CNTLN: variants seen among roughly 807,000 people sequenced by gnomAD.
The protein encoded by CNTLN is centlein, also known as centlein, centrosomal protein.
CNTLN carries 212 observed loss-of-function variants against 180.0 expected under a neutral mutation model. The ratio of observed to expected loss-of-function variants is 1.18; its 90% CI spans 1.05 to 1.32. The LOEUF is 1.32. CNTLN is among the 40% of genes most tolerant of loss of function. The probability of loss-of-function intolerance (pLI) is 0.00; values close to 1 mark genes in which losing one functional copy is unlikely to be tolerated. For missense variants in CNTLN, 2,095 were observed against 1,610.9 expected, an observed-to-expected ratio of 1.30 and a Z score of -5.14; for synonymous variants, 722 against 563.1, an observed-to-expected ratio of 1.28 and a Z score of -3.99.
At chr9:17,193,924 A>T (rs1038636649) in intron 2 of CNTLN, among the ~76,000 whole-genome samples, 1 of 152,152 alleles carries the variant, frequency 6.6e-6, no homozygotes, top group African/African-American at 2.4e-5. Context: ...CCAATTCTTG[A>T]CTTCTGTGCA....
chr9:17,499,002 T>A (rs915373550), intron 25 of CNTLN, among the ~76,000 whole-genome samples: 1 of 152,200 alleles, frequency 6.6e-6, no homozygotes, highest in Admixed American at 6.6e-5. Context: ...TATAAACTCC[T>A]TGTATGAAAT....
At chr9:17,179,143 C>A (rs987274878) in intron 2 of CNTLN, among the ~76,000 whole-genome samples, 2 of 147,282 alleles carry the variant, frequency 1.4e-5, no homozygotes, top group Admixed American at 6.8e-5. Context: ...ACTTGGGAGG[C>A]TGAGGCAGGA....
intron 12 of CNTLN, among the ~76,000 whole-genome samples, chr9:17,353,665 T>C (rs1822558880): frequency 6.6e-6 from 1 of 151,556 alleles, no homozygotes; most frequent in Admixed American, 6.6e-5. Context: ...AGTGGTGTGA[T>C]CTTGGCTCAC....
At chr9:17,441,839 G>T (rs1267001588) in intron 18 of CNTLN, among the ~76,000 whole-genome samples, 1 of 152,090 alleles carries the variant, frequency 6.6e-6, no homozygotes, top group Non-Finnish European at 1.5e-5. Flanking sequence ...GGCTTATAGT[G>T]AAGGGATGGA....
chr9:17,283,948 C>T (rs1828818256), intron 6 of CNTLN, among the ~76,000 whole-genome samples: 1 of 152,156 alleles, frequency 6.6e-6, no homozygotes, highest in Non-Finnish European at 1.5e-5. Flanking sequence ...ATGAAGCTGA[C>T]TTGATCGTGG....
At chr9:17,240,041 T>A (rs1825391254) in intron 5 of CNTLN, among the ~76,000 whole-genome samples, 1 of 152,190 alleles carries the variant, frequency 6.6e-6, no homozygotes, top group South Asian at 2.1e-4. Context: ...AATCAGTAGA[T>A]CAGTTTGGGG....
At chr9:17,291,380 ATCTG>A (rs1315659330) in intron 6 of CNTLN, among the ~76,000 whole-genome samples, 1 of 152,132 alleles carries the variant, frequency 6.6e-6, no homozygotes, top group African/African-American at 2.4e-5. Flanking sequence ...TGTCTTGGTG[ATCTG>A]TCTAATATTG....
At chr9:17,279,421 C>T (rs903017474) in intron 6 of CNTLN, among the ~76,000 whole-genome samples, 9 of 152,100 alleles carry the variant, frequency 5.9e-5, no homozygotes, top group African/African-American at 1.9e-4. Context: ...TCCAATTTAG[C>T]CATGTGACTT....
the CNTLN span, among the ~76,000 whole-genome samples, chr9:17,519,553 G>T: frequency 6.6e-6 from 1 of 152,140 alleles, no homozygotes; most frequent in Admixed American, 6.5e-5. Context: ...AGTATAGATT[G>T]AACTGTTGTA....
the CNTLN span, among the ~76,000 whole-genome samples, chr9:17,521,086 C>G: frequency 6.6e-6 from 1 of 152,102 alleles, no homozygotes; most frequent in African/African-American, 2.4e-5. Context: ...AGTAATCTAA[C>G]TAGACAAGGC....
At chr9:17,179,179 GC>G (rs1299629854) in intron 2 of CNTLN, among the ~76,000 whole-genome samples, 1 of 146,646 alleles carries the variant, frequency 6.8e-6, no homozygotes, top group Non-Finnish European at 1.5e-5. Context: ...GGGAGGCGGA[GC>G]TTGCAGTGAG....
chr9:17,403,978 T>G lies in CNTLN; in HGVS notation c.2616-5315T>G, dbSNP rs576552697. 3.3e-4 allele frequency among the ~76,000 whole-genome samples: 50 copies of G among 151,650 alleles called. 2 individuals are homozygous for G. Among genetic ancestry groups the G allele is most frequent in the African/African-American group, 1.2e-3 (49 of 41,096 alleles). ...TTTAATAGAGATGGGGTTTCACTAT[T>G]TTGGCCAGACTGGTCATAAACTCCT... is the stretch of plus-strand genomic sequence containing the variant. On this transcript the variant is annotated intron_variant, in intron 15 of 25. Transcript: ENST00000380647.
At chr9:17,227,382 T>C (rs1229317605) in intron 3 of CNTLN, among the ~76,000 whole-genome samples, 1 of 152,026 alleles carries the variant, frequency 6.6e-6, no homozygotes, top group Non-Finnish European at 1.5e-5. Flanking sequence ...ACTGCAAAAG[T>C]GCATGTGGTC....
At chr9:17,347,693 A>C (rs1289738166) in intron 12 of CNTLN, among the ~76,000 whole-genome samples, 1 of 151,458 alleles carries the variant, frequency 6.6e-6, no homozygotes, top group Non-Finnish European at 1.5e-5. Flanking sequence ...AAAAAGAAAA[A>C]GGAAAAGAAA....
At chr9:17,416,283 G>T in intron 18 of CNTLN, 94 bp downstream of exon 18, 4 of 1,070,698 alleles carry the variant, frequency 3.7e-6, no homozygotes, top group Non-Finnish European at 5.3e-6. Flanking sequence ...TTTGTGTTAG[G>T]CAGGTCTATG....
At chr9:17,468,883 T>G (rs1831903868) in intron 23 of CNTLN, among the ~76,000 whole-genome samples, 1 of 151,768 alleles carries the variant, frequency 6.6e-6, no homozygotes, top group Admixed American at 6.6e-5. Context: ...TCAGCAACAG[T>G]GATATTGAGT....
At chr9:17,261,479 T>A (rs1826971131) in intron 5 of CNTLN, among the ~76,000 whole-genome samples, 1 of 151,470 alleles carries the variant, frequency 6.6e-6, no homozygotes, top group African/African-American at 2.4e-5. Context: ...AGCTTGAACA[T>A]TATTGGGATT....
intron 2 of CNTLN, among the ~76,000 whole-genome samples, chr9:17,162,620 A>C (rs766264954): frequency 5.9e-5 from 9 of 152,186 alleles, no homozygotes; most frequent in Non-Finnish European, 8.8e-5. Context: ...GACCTCATTA[A>C]ACATATAGGT....
intron 15 of CNTLN, among the ~76,000 whole-genome samples, chr9:17,401,511 T>C (rs1486008647): frequency 6.7e-6 from 1 of 148,426 alleles, no homozygotes; most frequent in East Asian, 1.9e-4. Context: ...GAGCTGAGAC[T>C]ACAGCACGTG....
Sources: allele counts gnomAD v4.1 joint callset (sites outside exome capture counted in the v4.1 genomes callset), GRCh38; gene constraint gnomAD v4.1.1; transcripts MANE v1.5; gene names NCBI Gene and HGNC (gene_info 2026-07-23, HGNC 2026-07-21).